Variants in TRPM6 observed in about 807,000 individuals in gnomAD.
TRPM6 encodes channel kinase 2.
TRPM6 carries 111 observed loss-of-function variants against 247.6 expected under a neutral mutation model. The observed-to-expected ratio is 0.45, with a 90% CI of 0.38 to 0.52. The LOEUF is 0.52. Ranked by LOEUF, TRPM6 falls within the 20% of genes least tolerant of loss-of-function variation. TRPM6 has a pLI of 0.00. For synonymous variants in TRPM6, 892 were observed against 853.8 expected (o/e 1.04, Z -0.78); for missense variants, 2,126 against 2,421.5 (o/e 0.88, Z 2.56).
intron 10 of TRPM6, 30 bp downstream of exon 10, chr9:74,816,862 G>C: frequency 6.2e-7 from 1 of 1,612,318 alleles, no homozygotes; most frequent in Non-Finnish European, 8.5e-7. Context: ...CGTAAATGAG[G>C]AACAATTGCA....
chr9:74,776,014 T>C lies in TRPM6; in HGVS notation c.3272A>G (p.Tyr1091Cys). 3 of 1,614,162 alleles carry C rather than the reference T, an allele frequency of 1.9e-6. No homozygotes were observed. The South Asian group carries it at 3.3e-5, about 18-fold the overall frequency. ...GGGCTTCTCGTGGTAGGTCATGATGTAGCGATAGCGGTTGTATTTCCACAG... is the reference window on the plus strand; with the variant it reads ...GGGCTTCTCGTGGTAGGTCATGATGCAGCGATAGCGGTTGTATTTCCACAG... ...NNLWKYNRYR[Y>C]IMTYHEKPWL... The change falls in exon 24 of 39, where the codon TAC becomes TGC. Residue 1091 changes from tyrosine (Y) to cysteine (C), a missense_variant. By Grantham distance (194) the Tyr-to-Cys change is radical (BLOSUM62 -2). Transcript: ENST00000360774.
Position 74,762,604 on chromosome 9 carries a change from A to G in TRPM6, c.4067T>C (p.Phe1356Ser), listed in dbSNP as rs1312488504. ...CAGAGGCAAGACAGTTTCTGCTGAA[A>G]AAGGAACTCGCTTTAGATTAGAGGG... ...LVPSNLKRVP[F>S]SAETVLPLSR... The change falls in exon 26 of 39, where the codon TTT (phenylalanine) becomes TCT (serine). Residue 1356 changes from phenylalanine to serine, a missense_variant. This residue lies in a region of TRPM6 where 717 missense variants were observed against 715.9 expected (regional missense o/e 1.00). Coordinates refer to ENST00000360774, the MANE Select transcript of TRPM6 (RefSeq NM_017662.5). 4 of 1,614,198 alleles carry G rather than the reference A, an allele frequency of 2.5e-6. No individual in the cohort carries two copies. In the Admixed American group the frequency reaches 6.7e-5, roughly 27 times the overall value.
At chr9:74,867,759 A>G (rs1345265482) in intron 1 of TRPM6, among the ~76,000 whole-genome samples, 8 of 152,190 alleles carry the variant, frequency 5.3e-5, no homozygotes, top group Non-Finnish European at 8.8e-5. Context: ...CTATCAGTTT[A>G]TCCACCTCTT....
At chr9:74,787,917 A>C (rs1014938974) in intron 20 of TRPM6, among the ~76,000 whole-genome samples, 7 of 151,988 alleles carry the variant, frequency 4.6e-5, no homozygotes, top group African/African-American at 1.7e-4. Context: ...GGGTTTCACC[A>C]TGTTAGCCAA....
At chr9:74,784,316 G>C (rs1271319118) in intron 21 of TRPM6, among the ~76,000 whole-genome samples, 2 of 151,730 alleles carry the variant, frequency 1.3e-5, no homozygotes, top group African/African-American at 4.8e-5. Context: ...TGACACAACT[G>C]TACGGCAAGC....
At chr9:74,788,263 A>AAAAC (rs1278637953) in intron 20 of TRPM6, among the ~76,000 whole-genome samples, 1 of 152,214 alleles carries the variant, frequency 6.6e-6, no homozygotes, top group African/African-American at 2.4e-5. Flanking sequence ...CCACCAAACA[A>AAAAC]AAACAAACAA....
chr9:74,853,340 C>T (rs1830420038), intron 3 of TRPM6, among the ~76,000 whole-genome samples: 1 of 152,104 alleles, frequency 6.6e-6, no homozygotes. Flanking sequence ...GCCCGGCTGC[C>T]ACCCCGTCTG....
chr9:74,830,153 A>C (rs936558477), intron 6 of TRPM6, among the ~76,000 whole-genome samples: 1 of 152,100 alleles, frequency 6.6e-6, no homozygotes, highest in Admixed American at 6.6e-5. Flanking sequence ...AAAACAAAAA[A>C]ACTTGAAGGT....
intron 17 of TRPM6, among the ~76,000 whole-genome samples, chr9:74,798,279 C>A (rs1475760033): frequency 1.5e-5 from 2 of 134,802 alleles, no homozygotes; most frequent in South Asian, 4.7e-4. Context: ...TTTTTTTTTT[C>A]ATGATGAAAT....
chr9:74,796,362 C>T (rs1396234815), intron 18 of TRPM6, among the ~76,000 whole-genome samples: 2 of 152,174 alleles, frequency 1.3e-5, no homozygotes, highest in Non-Finnish European at 2.9e-5. Flanking sequence ...CACAGAACCT[C>T]TAGCACATGT....
chr9:74,875,085 G>C (rs1831152852), intron 1 of TRPM6, among the ~76,000 whole-genome samples: 1 of 151,898 alleles, frequency 6.6e-6, no homozygotes, highest in South Asian at 2.1e-4. Context: ...TTATAAGAAG[G>C]AATATTTTAT....
intron 12 of TRPM6, 66 bp downstream of exon 12, chr9:74,812,233 C>A: frequency 6.2e-7 from 1 of 1,606,320 alleles, no homozygotes; most frequent in South Asian, 1.1e-5. Flanking sequence ...TCTGCATGGT[C>A]TGCTTGATGA....
At chr9:74,837,110 C>T (rs555809536) in intron 5 of TRPM6, among the ~76,000 whole-genome samples, 69 of 152,330 alleles carry the variant, frequency 4.5e-4, no homozygotes, top group African/African-American at 1.6e-3. Context: ...TATCCAAATG[C>T]TTTTCACATA....
chr9:74,749,178 C>A (rs746497287), intron 30 of TRPM6, among the ~76,000 whole-genome samples: 3 of 151,954 alleles, frequency 2.0e-5, no homozygotes, highest in Non-Finnish European at 4.4e-5. Context: ...ATTTGCACAA[C>A]GATGAAATCA....
chr9:74,777,094 G>C (rs1296053615), intron 23 of TRPM6, among the ~76,000 whole-genome samples: 1 of 152,166 alleles, frequency 6.6e-6, no homozygotes, highest in Non-Finnish European at 1.5e-5. Flanking sequence ...TATATCAGGA[G>C]TTCTCAAGCA....
chr9:74,747,795 A>C lies in TRPM6; in HGVS notation c.5083+94T>G. ...ATGATGGACAAAAATCATAAATACA[A>C]TTTCAAGAATGACAAAAATATCAGC... On this transcript the variant is annotated intron_variant, in intron 31 of 38. Coordinates refer to ENST00000360774, the MANE Select transcript of TRPM6 (RefSeq NM_017662.5). The C allele has an allele frequency of 3.6e-6, 4 of 1,113,650 alleles. No individual in the cohort carries two copies. In the South Asian group the frequency reaches 5.5e-5, roughly 15 times the overall value. The allele number at this position is 1,113,650 out of a possible 1,614,324, so 69.0% of individuals were successfully genotyped here. A position where few individuals can be genotyped will look rare whatever the true frequency, so the allele number is the denominator to read the frequency against.
chr9:74,794,363 T>C (rs1587513144), intron 18 of TRPM6, among the ~76,000 whole-genome samples: 1 of 151,984 alleles, frequency 6.6e-6, no homozygotes, highest in African/African-American at 2.4e-5. Flanking sequence ...TGCAGAAAAA[T>C]GTGACTTTTA....
intron 24 of TRPM6, 104 bp from the exon 25 acceptor site, chr9:74,771,939 GATAAGTTTGTC>G (rs1827060190): frequency 1.9e-6 from 2 of 1,066,670 alleles, no homozygotes; most frequent in East Asian, 4.9e-5. Context: ...AGCCTGTTGT[GATAAGTTTGTC>G]ACCTTGTCAA....
chr9:74,831,563 TACA>T (rs1218543871), intron 6 of TRPM6, among the ~76,000 whole-genome samples: 1 of 151,978 alleles, frequency 6.6e-6, no homozygotes. Context: ...ACAAAAAATA[TACA>T]CAATGAGCCT....
Sources: gnomAD v4.1 joint callset for allele counts (sites outside exome capture counted in the v4.1 genomes callset) on GRCh38, gnomAD v4.1.1 for gene constraint, gnomAD v4.1.1 regional missense constraint, MANE v1.5 for transcripts, NCBI Gene and HGNC (gene_info 2026-07-23, HGNC 2026-07-21) for gene names.